FIBCD1: variants seen among roughly 807,000 people sequenced by gnomAD.
The protein encoded by FIBCD1 is fibrinogen C domain containing 1.
In FIBCD1, 47 loss-of-function variants were observed where a neutral mutation model predicts 45.1. The ratio of observed to expected loss-of-function variants is 1.04; its 90% CI spans 0.82 to 1.33. The LOEUF is 1.33. Ranked by LOEUF, FIBCD1 falls within the 40% of genes most tolerant of loss-of-function variation. The pLI, the probability that FIBCD1 is intolerant of heterozygous loss-of-function variation, is 0.00. For missense variants in FIBCD1, 653 were observed against 682.2 expected (o/e 0.96, Z 0.48); for synonymous variants, 313 against 308.1 (o/e 1.02, Z -0.17).
chr9:130,918,539 G>T (rs569407630), intron 4 of FIBCD1, among the ~76,000 whole-genome samples: 1 of 152,340 alleles, frequency 6.6e-6, no homozygotes, highest in South Asian at 2.1e-4. Context: ...GCCTCTCCCA[G>T]CCTCCCGGGC....
Position 130,939,200 on chromosome 9 carries a change from C to G in FIBCD1, c.-593G>C, listed in dbSNP as rs998172691. ...CGGCGCCTCTGCACAAACTTCCTCC[C>G]GGACCGGACTCACACAAGTCACCAT... On this transcript the variant is annotated 5_prime_UTR_variant, in exon 1 of 7. Coordinates refer to ENST00000372338, the MANE Select transcript of FIBCD1 (RefSeq NM_032843.5). 1 of 152,024 alleles carries G rather than the reference C, an allele frequency of 6.6e-6. No homozygotes were observed. Among genetic ancestry groups the G allele is most frequent in the African/African-American group, 2.4e-5 (1 of 41,424 alleles). The allele number at this position is 152,024 out of a possible 1,614,324, so 9.4% of individuals were successfully genotyped here. A position where few individuals can be genotyped will look rare whatever the true frequency, so the allele number is the denominator to read the frequency against.
At chr9:130,910,853 C>T (rs1832024656) in intron 5 of FIBCD1, among the ~76,000 whole-genome samples, 1 of 152,180 alleles carries the variant, frequency 6.6e-6, no homozygotes, top group Admixed American at 6.5e-5. Flanking sequence ...CCAATCAACA[C>T]ACTGTATCTA....
chr9:130,940,104 C>T (rs908701055), upstream of FIBCD1, among the ~76,000 whole-genome samples: 1 of 152,256 alleles, frequency 6.6e-6, no homozygotes, highest in Admixed American at 6.5e-5. Context: ...CTCTCCCCCA[C>T]TGGCTGCCAG....
rs762381174 is a variant in FIBCD1 at position 130,903,996 on chromosome 9, G to A, written c.*68C>T. 25 of 1,568,128 alleles carry A rather than the reference G, an allele frequency of 1.6e-5. 1 individual carries two copies. Among genetic ancestry groups the A allele is most frequent in the Middle Eastern group, 1.7e-4 (1 of 6,022 alleles). ...GCACAGGTGGGTGGAGAACATTCAC[G>A]AAAGAGTGAGGTGGGGTCGGGGATG... On this transcript the variant is annotated 3_prime_UTR_variant, in exon 7 of 7. Coordinates refer to ENST00000372338, the MANE Select transcript of FIBCD1 (RefSeq NM_032843.5).
chr9:130,937,285 T>C (rs1832532493), intron 1 of FIBCD1, among the ~76,000 whole-genome samples: 1 of 151,916 alleles, frequency 6.6e-6, no homozygotes, highest in Non-Finnish European at 1.5e-5. Context: ...GGAGAAGCAG[T>C]GGGATAGGTG....
chr9:130,929,104 T>A (rs1481698554), intron 2 of FIBCD1, among the ~76,000 whole-genome samples: 1 of 151,972 alleles, frequency 6.6e-6, no homozygotes, highest in African/African-American at 2.4e-5. Context: ...GCTGTGGGTA[T>A]TGCATGGTGT....
In FIBCD1 at chr9:130,929,864, C is replaced by T. The variant is rs530307772; in HGVS notation, c.255G>A (p.Ala85=). ...ANSALVTVER[A]DSSHLSILID... ...TGAGGATGCTGAGGTGCGAGCTGTC[C>T]GCCCTTTCCACAGTGACCAGGGCGC... is the stretch of plus-strand genomic sequence containing the variant. Residue 85 remains alanine, a synonymous_variant, in exon 2 of 7, where the codon GCG becomes GCA. Coordinates refer to ENST00000372338, the MANE Select transcript of FIBCD1 (RefSeq NM_032843.5). 1.2e-5 allele frequency: 19 copies of T among 1,549,638 alleles called. No homozygotes were observed. The highest frequency in any genetic ancestry group is 4.9e-5 in the East Asian group (2 of 40,920).
chr9:130,929,045 G>A (rs1486598312), intron 2 of FIBCD1, among the ~76,000 whole-genome samples: 1 of 152,154 alleles, frequency 6.6e-6, no homozygotes, highest in African/African-American at 2.4e-5. Flanking sequence ...TTTGGGACAG[G>A]CTAGGGGTCT....
At chr9:130,938,450 C>T in intron 1 of FIBCD1, 86 bp downstream of exon 1, 1 of 1,198,796 alleles carries the variant, frequency 8.3e-7, no homozygotes, top group Non-Finnish European at 1.1e-6. Flanking sequence ...AAACTCCAGC[C>T]CCCGCAATGG....
chr9:130,929,816 G>A lies in FIBCD1; in HGVS notation c.303C>T (p.Leu101=), dbSNP rs1008589832. 9.7e-6 allele frequency: 15 copies of A among 1,550,578 alleles called. No homozygotes were observed. In the Admixed American group the frequency reaches 1.2e-4, roughly 12 times the overall value. Residue 101 remains leucine, a synonymous_variant, in exon 2 of 7, where the codon CTC becomes CTT. Coordinates refer to ENST00000372338, the MANE Select transcript of FIBCD1 (RefSeq NM_032843.5). ...TCTCCAGGCGTGCGAAGCTGTCGGT[G>A]AGGTCGGGGCAGCGCGGGTCAATGA... ...SILIDPRCPD[L]TDSFARLESA... is the part of the protein sequence containing the mutation.
At position 130,929,832 on chromosome 9, in the gene FIBCD1, G is replaced by C; in HGVS notation, c.287C>G (p.Pro96Arg). The C allele has an allele frequency of 2.6e-6, 4 of 1,549,954 alleles. No individual in the cohort carries two copies. The highest frequency in any genetic ancestry group is 3.5e-6 in the Non-Finnish European group (4 of 1,146,770). ...DSSHLSILID[P>R]RCPDLTDSFA... The stretch of plus-strand genomic sequence containing the variant: ...GCTGTCGGTGAGGTCGGGGCAGCGC[G>C]GGTCAATGAGGATGCTGAGGTGCGA... The change falls in exon 2 of 7, where the codon CCG becomes CGG. Residue 96 changes from proline to arginine, a missense_variant. By Grantham distance (103) the Pro-to-Arg change is moderately radical (BLOSUM62 -2). Coordinates refer to ENST00000372338, the MANE Select transcript of FIBCD1 (RefSeq NM_032843.5).
rs148389616 is a variant in FIBCD1, at chr9:130,915,866, G to A, written c.850-3978C>T. The stretch of plus-strand genomic sequence containing the variant: ...GACCATGTCCCAGAGAGATGCAGCC[G>A]ACGTCACCACACAGGCACACGCATC... On this transcript the variant is annotated intron_variant, in intron 4 of 6. Transcript: ENST00000372338. Among the ~76,000 whole-genome samples, 286 of 152,302 alleles carry A rather than the reference G, an allele frequency of 1.9e-3. 3 individuals are homozygous for A. The highest frequency in any genetic ancestry group is 6.5e-3 in the African/African-American group (269 of 41,560).
intron 5 of FIBCD1, among the ~76,000 whole-genome samples, chr9:130,911,065 C>G (rs933267945): frequency 3.9e-5 from 6 of 152,182 alleles, no homozygotes; most frequent in Admixed American, 1.3e-4. Context: ...GCTGCCCCAG[C>G]CAGCCTCGGC....
chr9:130,916,790 C>G (rs951152910), intron 4 of FIBCD1, among the ~76,000 whole-genome samples: 1 of 152,022 alleles, frequency 6.6e-6, no homozygotes, highest in Non-Finnish European at 1.5e-5. Context: ...GAACGTGAAT[C>G]CCCACTAGGC....
intron 5 of FIBCD1, among the ~76,000 whole-genome samples, chr9:130,910,482 G>T (rs1350932549): frequency 6.6e-6 from 1 of 152,208 alleles, no homozygotes; most frequent in African/African-American, 2.4e-5. Context: ...CGGTCCCATC[G>T]AGCACCCAAG....
intron 4 of FIBCD1, among the ~76,000 whole-genome samples, chr9:130,919,884 A>G (rs983065341): frequency 6.6e-6 from 1 of 150,422 alleles, no homozygotes; most frequent in Non-Finnish European, 1.5e-5. Context: ...GCCAGTGACT[A>G]TGCAATGTTG....
intron 5 of FIBCD1, among the ~76,000 whole-genome samples, chr9:130,911,166 G>A (rs957301129): frequency 2.6e-5 from 4 of 152,204 alleles, no homozygotes; most frequent in African/African-American, 7.2e-5. Flanking sequence ...CACTCACCGT[G>A]AAGGTCTGCA....
At chr9:130,912,094 C>T (rs1258115091) in intron 4 of FIBCD1, among the ~76,000 whole-genome samples, 2 of 152,078 alleles carry the variant, frequency 1.3e-5, no homozygotes, top group Admixed American at 6.5e-5. Context: ...CATGGTGGCT[C>T]GAGGTGGGAT....
rs75484541 is a variant in FIBCD1, at chr9:130,938,298, G to A, written c.72+238C>T. On this transcript the variant is annotated intron_variant, in intron 1 of 6. Transcript: ENST00000372338. ...GGGGCTGCTGGGGGTGCGGGGACGC[G>A]GGAGACCTGGCCCGCAGCGCGCGTG... 934 of 415,670 alleles carry A rather than the reference G, an allele frequency of 2.2e-3. 6 individuals carry two copies. Among genetic ancestry groups the A allele is most frequent in the African/African-American group, 0.019 (889 of 47,558 alleles). 25.7% of individuals were successfully genotyped at this position (415,670 alleles called of 1,614,324 possible).
Sources: allele counts gnomAD v4.1 joint callset (sites outside exome capture counted in the v4.1 genomes callset), GRCh38; gene constraint gnomAD v4.1.1; transcripts MANE v1.5; gene names NCBI Gene and HGNC (gene_info 2026-07-23, HGNC 2026-07-21).